VWC2L: variants seen among roughly 807,000 people sequenced by gnomAD.
The protein encoded by VWC2L is von Willebrand factor C domain-containing protein 2-like.
VWC2L carries 10 observed loss-of-function variants against 21.6 expected under a neutral mutation model. That is an observed-to-expected ratio of 0.46 (90% CI 0.29 to 0.78). The LOEUF is 0.78. Ranked by LOEUF, VWC2L falls within the 30% of genes least tolerant of loss-of-function variation. The probability of loss-of-function intolerance (pLI) is 0.10; values close to 1 mark genes in which losing one functional copy is unlikely to be tolerated. For synonymous variants in VWC2L, 96 were observed against 94.3 expected, an observed-to-expected ratio of 1.02 and a Z score of -0.10; for missense variants, 209 against 277.1, an observed-to-expected ratio of 0.75 and a Z score of 1.74.
Position 214,414,129 on chromosome 2 carries a change from T to C in VWC2L, c.-65T>C. 9.9e-6 allele frequency: 15 copies of C among 1,519,766 alleles called. No individual in the cohort carries two copies. The highest frequency in any genetic ancestry group is 1.3e-5 in the Non-Finnish European group (15 of 1,130,696). 94.1% of individuals were successfully genotyped at this position (1,519,766 alleles called of 1,614,324 possible). A position where few individuals can be genotyped will look rare whatever the true frequency, so the allele number is the denominator to read the frequency against. On this transcript the variant is annotated 5_prime_UTR_variant, in exon 2 of 4. Transcript: ENST00000312504. ...TTATTTTCAGCCTACCCCTCTTGTATTCCCATGGAAGGAGCTGAGTATATT... is the reference window on the plus strand; with the variant it reads ...TTATTTTCAGCCTACCCCTCTTGTACTCCCATGGAAGGAGCTGAGTATATT...
chr2:214,457,131 C>T (rs962523629), intron 3 of VWC2L, among the ~76,000 whole-genome samples: 2 of 151,974 alleles, frequency 1.3e-5, no homozygotes, highest in South Asian at 2.1e-4. Flanking sequence ...AAAGAAATTG[C>T]GTTGAGTCTC....
intron 1 of VWC2L, among the ~76,000 whole-genome samples, chr2:214,412,764 C>T (rs534866924): frequency 1.5e-3 from 225 of 152,002 alleles, no homozygotes; most frequent in African/African-American, 5.1e-3. Flanking sequence ...ATCTTGTTAT[C>T]GTCTGTATAT....
chr2:214,483,961 A>C (rs1356059942), intron 3 of VWC2L, among the ~76,000 whole-genome samples: 2 of 152,130 alleles, frequency 1.3e-5, no homozygotes, highest in Non-Finnish European at 2.9e-5. Context: ...TGCAAGGGCC[A>C]TCTTCCCTCC....
At chr2:214,442,319 G>A (rs1338716493) in intron 3 of VWC2L, among the ~76,000 whole-genome samples, 3 of 152,154 alleles carry the variant, frequency 2.0e-5, no homozygotes, top group African/African-American at 7.2e-5. Flanking sequence ...AAGTGAGAAG[G>A]TAGAGAAAAG....
At chr2:214,574,942 G>A (rs1243513655) in intron 3 of VWC2L, among the ~76,000 whole-genome samples, 1 of 150,316 alleles carries the variant, frequency 6.7e-6, no homozygotes, top group East Asian at 1.9e-4. Context: ...TCTATAATGA[G>A]CAGGGGACAT....
intron 3 of VWC2L, among the ~76,000 whole-genome samples, chr2:214,500,965 C>T (rs1688882884): frequency 6.6e-6 from 1 of 152,128 alleles, no homozygotes; most frequent in Non-Finnish European, 1.5e-5. Flanking sequence ...TCAGGTTGTA[C>T]TCTCTAAGTA....
intron 3 of VWC2L, among the ~76,000 whole-genome samples, chr2:214,548,307 C>T (rs1397385245): frequency 6.6e-6 from 1 of 152,038 alleles, no homozygotes; most frequent in Non-Finnish European, 1.5e-5. Context: ...AACATTTACA[C>T]AATTTAAAAA....
Position 214,414,408 on chromosome 2 carries a change from C to A in VWC2L, c.215C>A (p.Ser72Tyr). ...KLGERFFPGH[S>Y]NCPCVCALDG... ...GGAGAACGATTTTTCCCTGGGCATT[C>A]CAACTGTCCATGTGTCTGTGCTCTA... Residue 72 changes from serine to tyrosine, a missense_variant, in exon 2 of 4, where the codon TCC (serine) becomes TAC (tyrosine). Physicochemically the swap from Ser to Tyr is moderately radical, Grantham distance 144. Coordinates refer to ENST00000312504, the MANE Select transcript of VWC2L (RefSeq NM_001080500.4). The A allele has an allele frequency of 1.2e-6, 2 of 1,613,624 alleles. No homozygotes were observed. Among genetic ancestry groups the A allele is most frequent in the Non-Finnish European group, 1.7e-6 (2 of 1,179,700 alleles).
chr2:214,496,272 T>TGTCC lies in VWC2L; in HGVS notation c.520+59514_520+59515insGTCC, dbSNP rs1688812237. Among the ~76,000 whole-genome samples the TGTCC allele has an allele frequency of 8.8e-5, 9 of 102,828 alleles. No individual in the cohort carries two copies. The Admixed American group carries it at 9.0e-4, about 10-fold the overall frequency. 67.5% of individuals were successfully genotyped at this position (102,828 alleles called of 152,430 possible). On this transcript the variant is annotated intron_variant, in intron 3 of 3. Transcript: ENST00000312504. ...ATGGGACAACTCTCATATAAGTAAC[T>TGTCC]CATCAGTGACTGAAACTTTATGTGG...
intron 3 of VWC2L, among the ~76,000 whole-genome samples, chr2:214,438,458 A>G (rs1014750886): frequency 6.6e-6 from 1 of 151,922 alleles, no homozygotes; most frequent in Admixed American, 6.6e-5. Context: ...TGCCTTCCCC[A>G]CATGGCTCTG....
intron 3 of VWC2L, among the ~76,000 whole-genome samples, chr2:214,562,913 C>A (rs1164132751): frequency 6.6e-6 from 1 of 152,208 alleles, no homozygotes; most frequent in African/African-American, 2.4e-5. Context: ...TGTAGGTTGC[C>A]TGTTTGCTCT....
At position 214,421,883 on chromosome 2, in the gene VWC2L, A is replaced by ATTTTTTTTTTTTTT. The variant is rs1574555783; in HGVS notation, c.390+7301_390+7302insTTTTTTTTTTTTTT. Among the ~76,000 whole-genome samples, 14 of 88,356 alleles carry ATTTTTTTTTTTTTT rather than the reference A, an allele frequency of 1.6e-4. No individual in the cohort carries two copies. In the East Asian group the frequency reaches 1.7e-3, roughly 10 times the overall value. The allele number at this position is 88,356 out of a possible 152,430, so 58.0% of individuals were successfully genotyped here. On this transcript the variant is annotated intron_variant, in intron 2 of 3. Coordinates refer to ENST00000312504, the MANE Select transcript of VWC2L (RefSeq NM_001080500.4). Reference sequence around the variant, plus strand: ...AGCATAATTTTTTTCTATTTCCTACATCTTTTTTTTTTTTTTTTTTTTTTT... The same window carrying ATTTTTTTTTTTTTT: ...AGCATAATTTTTTTCTATTTCCTACATTTTTTTTTTTTTTTCTTTTTTTTTTTTTTTTTTTTTTT...
chr2:214,510,885 T>C (rs1350064916), intron 3 of VWC2L, among the ~76,000 whole-genome samples: 2 of 152,228 alleles, frequency 1.3e-5, no homozygotes, highest in Non-Finnish European at 2.9e-5. Flanking sequence ...TATGTTACCT[T>C]ACATGGCAAA....
At chr2:214,445,425 GAA>G (rs910351630) in intron 3 of VWC2L, among the ~76,000 whole-genome samples, 1 of 148,926 alleles carries the variant, frequency 6.7e-6, no homozygotes, top group Non-Finnish European at 1.5e-5. Flanking sequence ...TAATATTATA[GAA>G]AAAAAAAGCA....
At chr2:214,483,927 G>A (rs1035446951) in intron 3 of VWC2L, among the ~76,000 whole-genome samples, 1 of 152,166 alleles carries the variant, frequency 6.6e-6, no homozygotes, top group African/African-American at 2.4e-5. Flanking sequence ...GGTTTTGGAA[G>A]ATGGAAGTCT....
chr2:214,475,019 C>T (rs1314398929), intron 3 of VWC2L, among the ~76,000 whole-genome samples: 1 of 152,126 alleles, frequency 6.6e-6, no homozygotes, highest in African/African-American at 2.4e-5. Context: ...ACTGTTATCT[C>T]TGGCACATAG....
chr2:214,499,608 AAACCTGCACGTTGTGCATATGTACCT>A (rs1212008407), intron 3 of VWC2L, among the ~76,000 whole-genome samples: 1 of 152,218 alleles, frequency 6.6e-6, no homozygotes, highest in Non-Finnish European at 1.5e-5. Context: ...CATATGTACC[AAACCTGCACGTTGTGCATATGTACCT>A]AGAACTTAAA....
chr2:214,536,083 C>A (rs190867835), intron 3 of VWC2L, among the ~76,000 whole-genome samples: 1 of 152,120 alleles, frequency 6.6e-6, no homozygotes, highest in Non-Finnish European at 1.5e-5. Context: ...CTGTGAGGAC[C>A]TGTTTTTGCT....
At chr2:214,563,546 CAAAAAAAAAAAAAAAAAAAAAA>C (rs55864016) in intron 3 of VWC2L, among the ~76,000 whole-genome samples, 1 of 95,894 alleles carries the variant, frequency 1.0e-5, no homozygotes, top group African/African-American at 4.2e-5. Context: ...GACTCCGTCT[CAAAAAAAAAAAAAAAAAAAAAA>C]AAAAAAAAAA....
Sources: gnomAD v4.1 joint callset for allele counts (sites outside exome capture counted in the v4.1 genomes callset) on GRCh38, gnomAD v4.1.1 for gene constraint, MANE v1.5 for transcripts, NCBI Gene and HGNC (gene_info 2026-07-23, HGNC 2026-07-21) for gene names.